Variants in CPS1 observed in about 807,000 individuals in gnomAD.
CPS1 encodes the protein carbamoyl-phosphate synthase 1, also known as carbamoyl-phosphate synthase [ammonia], mitochondrial.
A neutral mutation model predicts 174.6 loss-of-function variants in CPS1; 109 were observed. That is an observed-to-expected ratio of 0.62 (90% confidence interval 0.53 to 0.73). The LOEUF (loss-of-function observed/expected upper bound fraction) is 0.73, where lower values mean the gene tolerates loss of function less well. CPS1 is among the 30% of genes least tolerant of loss of function. CPS1 has a pLI of 0.00. For missense variants in CPS1, 1,689 were observed against 1,821.9 expected (o/e 0.93, Z 1.33); for synonymous variants, 637 against 632.0 (o/e 1.01, Z -0.12).
At chr2:210,577,544 A>G in intron 4 of CPS1, 34 bp downstream of exon 4, 1 of 1,511,922 alleles carries the variant, frequency 6.6e-7, no homozygotes, top group Non-Finnish European at 9.2e-7. Context: ...ATCATCACCT[A>G]AGGAAGGTTG....
At chr2:210,567,011 A>G (rs1310721467) in intron 1 of CPS1, among the ~76,000 whole-genome samples, 1 of 152,162 alleles carries the variant, frequency 6.6e-6, no homozygotes, top group Non-Finnish European at 1.5e-5. Flanking sequence ...ACAACTGCAT[A>G]TAGACTTTAA....
chr2:210,591,610 A>T (rs1201808162), intron 9 of CPS1, among the ~76,000 whole-genome samples: 2 of 151,974 alleles, frequency 1.3e-5, no homozygotes, highest in Non-Finnish European at 2.9e-5. Flanking sequence ...AATTTAATAG[A>T]CCTGCGTATT....
chr2:210,644,266 A>T (rs1161463478), intron 25 of CPS1, among the ~76,000 whole-genome samples: 1 of 152,076 alleles, frequency 6.6e-6, no homozygotes. Flanking sequence ...GGTAATTTAA[A>T]ATATGTTGGC....
chr2:210,519,742 G>C (rs1487146103), intron 1 of CPS1: 7 of 985,256 alleles, frequency 7.1e-6, no homozygotes, highest in Non-Finnish European at 8.4e-6. Context: ...CAGTATGAGG[G>C]AGCAGTGAAG....
At chr2:210,517,494 T>C (rs992415258) in intron 1 of CPS1, among the ~76,000 whole-genome samples, 17 of 152,100 alleles carry the variant, frequency 1.1e-4, no homozygotes, top group African/African-American at 3.1e-4. Flanking sequence ...TGAATTGCAA[T>C]TGTTAGTGGC....
chr2:210,554,091 A>G (rs905097559), upstream of CPS1, among the ~76,000 whole-genome samples: 1 of 146,494 alleles, frequency 6.8e-6, no homozygotes, highest in Non-Finnish European at 1.5e-5. Context: ...ACATATGTAT[A>G]TGTATGTATA....
chr2:210,494,449 G>A (rs983499905), intron 1 of CPS1, among the ~76,000 whole-genome samples: 6 of 152,084 alleles, frequency 3.9e-5, no homozygotes, highest in Non-Finnish European at 5.9e-5. Flanking sequence ...CTTATAACTC[G>A]TACCAAGGGG....
At chr2:210,518,671 A>G (rs1020306468) in intron 1 of CPS1, among the ~76,000 whole-genome samples, 5 of 152,048 alleles carry the variant, frequency 3.3e-5, no homozygotes, top group African/African-American at 1.2e-4. Flanking sequence ...GCTGTATTTA[A>G]CAGATGTGGG....
intron 18 of CPS1, 51 bp from the exon 19 acceptor site, chr2:210,608,310 T>A: frequency 6.4e-7 from 1 of 1,571,764 alleles, no homozygotes; most frequent in Non-Finnish European, 8.7e-7. Context: ...TTTTGGTCTG[T>A]TTTCAATAAT....
Position 210,610,116 on chromosome 2 carries a change from G to A in CPS1, c.2391+1557G>A, listed in dbSNP as rs76173090. 5.3e-3 allele frequency among the ~76,000 whole-genome samples: 802 copies of A among 151,888 alleles called. 4 individuals are homozygous for A. Among genetic ancestry groups the A allele is most frequent in the Non-Finnish European group, 8.6e-3 (582 of 67,876 alleles). On this transcript the variant is annotated intron_variant, in intron 19 of 37. Transcript: ENST00000233072. ...TTTTAGTGTACAAAAGAAATAGAAC[G>A]CAAATACCATGAAAATCTATGTTGC...
chr2:210,595,578 T>C lies in CPS1; in HGVS notation c.1355T>C (p.Met452Thr), dbSNP rs1553511794. ...DYSGSQAVKA[M>T]KEENVKTVLM... ...TCAGGATCTCAAGCTGTAAAAGCCA[T>C]GAAGGTGAGAGAATATGATCCTTAC... Residue 452 changes from methionine to threonine, a missense_variant, in exon 13 of 38, where the codon ATG becomes ACG. By Grantham distance (81) the Met-to-Thr change is moderately conservative. Coordinates refer to ENST00000233072, the MANE Select transcript of CPS1 (RefSeq NM_001875.5). The C allele has an allele frequency of 1.2e-6, 2 of 1,604,854 alleles. No individual in the cohort carries two copies. The highest frequency in any genetic ancestry group is 2.2e-5 in the South Asian group (2 of 90,866).
intron 1 of CPS1, among the ~76,000 whole-genome samples, chr2:210,568,894 G>A (rs1697385692): frequency 6.6e-6 from 1 of 152,022 alleles, no homozygotes; most frequent in South Asian, 2.1e-4. Context: ...AAAAATTACT[G>A]TTTAATATTT....
intron 10 of CPS1, among the ~76,000 whole-genome samples, chr2:210,592,582 C>G (rs2106112524): frequency 6.6e-6 from 1 of 151,864 alleles, no homozygotes; most frequent in Non-Finnish European, 1.5e-5. Context: ...CTGAACAGAA[C>G]CCAGAGGGGT....
At chr2:210,644,732 A>T (rs1700324314) in intron 25 of CPS1, among the ~76,000 whole-genome samples, 1 of 152,188 alleles carries the variant, frequency 6.6e-6, no homozygotes, top group Non-Finnish European at 1.5e-5. Flanking sequence ...ATAAGTTAAG[A>T]TGTTCTCAAA....
chr2:210,480,793 G>A (rs1694548166), intron 1 of CPS1, among the ~76,000 whole-genome samples: 1 of 152,120 alleles, frequency 6.6e-6, no homozygotes, highest in African/African-American at 2.4e-5. Context: ...TCAAAGAAGT[G>A]TAAAGCAAGA....
At chr2:210,528,025 A>G (rs149670736) in intron 1 of CPS1, among the ~76,000 whole-genome samples, 2 of 152,094 alleles carry the variant, frequency 1.3e-5, no homozygotes, top group East Asian at 1.9e-4. Flanking sequence ...TGAGGTTCGC[A>G]GTAACCGAAT....
At chr2:210,485,242 A>AT (rs1287160716) in intron 1 of CPS1, among the ~76,000 whole-genome samples, 22 of 142,366 alleles carry the variant, frequency 1.5e-4, no homozygotes, top group Admixed American at 4.3e-4. Flanking sequence ...AAAAAAAAAA[A>AT]AAATAAAATA....
chr2:210,593,007 G>T, intron 11 of CPS1, 51 bp downstream of exon 11: 3 of 1,530,294 alleles, frequency 2.0e-6, no homozygotes, highest in Non-Finnish European at 2.7e-6. Flanking sequence ...AAATGTATTT[G>T]TGTGGAAATT....
chr2:210,669,993 A>G (rs1001262230), intron 34 of CPS1, among the ~76,000 whole-genome samples: 4 of 152,084 alleles, frequency 2.6e-5, no homozygotes, highest in African/African-American at 4.8e-5. Context: ...ATCCCTATGA[A>G]GTATTTGCGT....
Sources: allele counts gnomAD v4.1 joint callset (sites outside exome capture counted in the v4.1 genomes callset), GRCh38; gene constraint gnomAD v4.1.1; transcripts MANE v1.5; gene names NCBI Gene and HGNC (gene_info 2026-07-23, HGNC 2026-07-21).